The following TET3 variants were observed in gnomAD, a reference collection of about 807,000 sequenced individuals.
The protein encoded by TET3 is methylcytosine dioxygenase TET3.
TET3 carries 19 observed loss-of-function variants against 141.4 expected under a neutral mutation model. That is an observed-to-expected ratio of 0.13 (90% CI 0.09 to 0.20). The LOEUF is 0.20. Among genes scored for constraint, TET3 ranks in the 10% least tolerant of loss-of-function variants. The probability of loss-of-function intolerance (pLI) is 1.00; values close to 1 mark genes in which losing one functional copy is unlikely to be tolerated. For missense variants in TET3, 1,874 were observed against 2,356.9 expected, an observed-to-expected ratio of 0.80 and a Z score of 4.24; for synonymous variants, 1,043 against 980.9, an observed-to-expected ratio of 1.06 and a Z score of -1.18.
chr2:74,083,152 AG>A (rs148458883), intron 6 of TET3, among the ~76,000 whole-genome samples: 2,078 of 152,354 alleles, frequency 0.014, 50 homozygotes, highest in Admixed American at 0.056. Context: ...CCTAGGAAGC[AG>A]TGGGTCAGCC....
the TET3 span, chr2:74,122,511 A>ATATAT: frequency 1.5e-3 from 70 of 47,562 alleles, 1 homozygote; most frequent in African/African-American, 4.7e-3. Context: ...ATATATATAT[A>ATATAT]TTTTTTTTTT....
intron 4 of TET3, among the ~76,000 whole-genome samples, chr2:74,063,907 A>AAAT (rs1553428425): frequency 2.6e-5 from 4 of 151,668 alleles, no homozygotes; most frequent in African/African-American, 9.7e-5. Flanking sequence ...AAAAAAAAAA[A>AAAT]AATAAGTAAA....
Position 74,062,215 on chromosome 2 carries a change from T to C in TET3, c.2495-11334T>C, listed in dbSNP as rs377353226. On this transcript the variant is annotated intron_variant, in intron 4 of 11. Transcript: ENST00000409262. ...TGGCGGATCACTCGCGGTTAGGAGC[T>C]GGAGACCAGCCCGGCCAACACAGCG... 8.0e-3 allele frequency among the ~76,000 whole-genome samples: 1,219 copies of C among 152,242 alleles called. 10 individuals are homozygous for C. The highest frequency in any genetic ancestry group is 0.024 in the South Asian group (117 of 4,824).
At chr2:74,125,170 C>A in the TET3 span, among the ~76,000 whole-genome samples, 5 of 152,194 alleles carry the variant, frequency 3.3e-5, no homozygotes, top group African/African-American at 1.2e-4. Flanking sequence ...CCTGCAGAGA[C>A]AGGGTTTCAC....
At chr2:74,014,826 A>G (rs1278603420) in intron 3 of TET3, among the ~76,000 whole-genome samples, 2 of 152,162 alleles carry the variant, frequency 1.3e-5, no homozygotes, top group African/African-American at 4.8e-5. Context: ...AATATGGTCC[A>G]GTTGGGATCC....
At chr2:73,994,638 C>CT (rs572235939) in intron 2 of TET3, among the ~76,000 whole-genome samples, 3,865 of 96,686 alleles carry the variant, frequency 0.04, 99 homozygotes, top group African/African-American at 0.066. Context: ...TTCTTTCTTT[C>CT]TTTTTTTTTT....
At chr2:74,114,853 CAAAAAAAAAAA>C in the TET3 span, among the ~76,000 whole-genome samples, 4 of 43,880 alleles carry the variant, frequency 9.1e-5, no homozygotes, top group Non-Finnish European at 1.5e-4. Context: ...GACTCTGTCT[CAAAAAAAAAAA>C]AAAAAAAAAA....
chr2:73,994,848 G>T (rs1214164618), intron 2 of TET3, among the ~76,000 whole-genome samples: 1 of 151,536 alleles, frequency 6.6e-6, no homozygotes, highest in Non-Finnish European at 1.5e-5. Flanking sequence ...TGTTGGCCAG[G>T]CTGGTCTCGA....
At chr2:74,108,356 C>G (rs997052300), downstream of TET3, among the ~76,000 whole-genome samples, 1 of 152,206 alleles carries the variant, frequency 6.6e-6, no homozygotes, top group Admixed American at 6.5e-5. Context: ...TGTTCAGAGG[C>G]TATCAGCTGT....
chr2:73,988,522 T>G (rs1422048397), intron 2 of TET3, among the ~76,000 whole-genome samples: 4 of 152,198 alleles, frequency 2.6e-5, no homozygotes, highest in Admixed American at 2.0e-4. Context: ...TCATCCTGTG[T>G]GTAAGCTGTC....
intron 6 of TET3, among the ~76,000 whole-genome samples, chr2:74,086,037 T>C (rs1356941239): frequency 2.0e-5 from 3 of 152,198 alleles, no homozygotes; most frequent in Non-Finnish European, 2.9e-5. Context: ...CTTCTCCCGA[T>C]TTTCTGCCCC....
chr2:74,017,722 A>T (rs749829199), intron 3 of TET3, among the ~76,000 whole-genome samples: 1 of 152,098 alleles, frequency 6.6e-6, no homozygotes, highest in Non-Finnish European at 1.5e-5. Context: ...TCTCTTTGAC[A>T]CACCTATTTC....
At chr2:74,114,852 T>TAAAAAAAAAAAAAA in the TET3 span, among the ~76,000 whole-genome samples, 2 of 24,078 alleles carry the variant, frequency 8.3e-5, no homozygotes, top group Non-Finnish European at 5.9e-5. Flanking sequence ...AGACTCTGTC[T>TAAAAAAAAAAAAAA]CAAAAAAAAA....
At chr2:74,085,195 G>A (rs1447888752) in intron 6 of TET3, among the ~76,000 whole-genome samples, 1 of 152,016 alleles carries the variant, frequency 6.6e-6, no homozygotes, top group Non-Finnish European at 1.5e-5. Context: ...TTTTGGAGAG[G>A]GATTTTATGT....
In TET3 at chr2:74,103,446, A is replaced by T. The variant is rs1691341499; in HGVS notation, c.*1270A>T. ...CTGAGCCTGCTTCCTCCATGCTGTC[A>T]TTGGGTTCGGGGGCCTACACTTAAC... On this transcript the variant is annotated 3_prime_UTR_variant, in exon 12 of 12. Coordinates refer to ENST00000409262, the MANE Select transcript of TET3 (RefSeq NM_001287491.2). 6.6e-6 allele frequency: 1 copy of T among 152,242 alleles called. No individual in the cohort carries two copies. The highest frequency in any genetic ancestry group is 2.4e-5 in the African/African-American group (1 of 41,454). The allele number at this position is 152,242 out of a possible 1,614,324, so 9.4% of individuals were successfully genotyped here. A position where few individuals can be genotyped will look rare whatever the true frequency, so the allele number is the denominator to read the frequency against.
At chr2:74,032,108 G>A (rs1327996040) in intron 3 of TET3, among the ~76,000 whole-genome samples, 1 of 152,064 alleles carries the variant, frequency 6.6e-6, no homozygotes, top group Non-Finnish European at 1.5e-5. Flanking sequence ...CAAAACTGTG[G>A]GCTGCTGTCC....
intron 5 of TET3, chr2:74,073,891 C>T (rs1689351452): frequency 2.9e-6 from 1 of 346,306 alleles, no homozygotes; most frequent in Admixed American, 4.5e-5. Flanking sequence ...TTATATGGCT[C>T]TATGTCCTGT....
chr2:74,089,442 G>A (rs1033521062), intron 7 of TET3, among the ~76,000 whole-genome samples: 3 of 152,180 alleles, frequency 2.0e-5, no homozygotes, highest in Admixed American at 1.3e-4. Flanking sequence ...TGTATTAAGC[G>A]TTAATTTTCA....
chr2:74,062,532 A>G (rs565414225), intron 4 of TET3, among the ~76,000 whole-genome samples: 2 of 152,342 alleles, frequency 1.3e-5, no homozygotes, highest in Admixed American at 6.5e-5. Context: ...GCAGAAGTAA[A>G]GGAGGAGGTG....
Sources: allele counts gnomAD v4.1 joint callset (sites outside exome capture counted in the v4.1 genomes callset), GRCh38; gene constraint gnomAD v4.1.1; transcripts MANE v1.5; gene names NCBI Gene and HGNC (gene_info 2026-07-23, HGNC 2026-07-21).